Variants in GNG2 observed in about 807,000 individuals in gnomAD.
GNG2 encodes the protein G protein subunit gamma 2.
Under a neutral mutation model 5.5 loss-of-function variants are expected in GNG2, and 5 were observed. That is an observed-to-expected ratio of 0.91 (90% CI 0.48 to 1.92). GNG2 has a LOEUF of 1.92. GNG2 is among the 30% of genes most tolerant of loss of function. The pLI, the probability that GNG2 is intolerant of heterozygous loss-of-function variation, is 0.01. For missense variants in GNG2, 55 were observed against 88.4 expected (o/e 0.62, Z 1.52); for synonymous variants, 28 against 32.0 (o/e 0.88, Z 0.42).
intron 2 of GNG2, among the ~76,000 whole-genome samples, chr14:51,832,650 C>G (rs1469451613): frequency 6.6e-6 from 1 of 152,196 alleles, no homozygotes; most frequent in Non-Finnish European, 1.5e-5. Flanking sequence ...GGTTCTCTTT[C>G]TGGATTTTGG....
rs549697013 is a variant in GNG2, at chr14:51,938,605, C to A, written c.-29-12045C>A. ...CAGAGCAGACTAGAATCCAGCTCTT[C>A]TGTCTCCTGGCACATGTTTTCTCAC... On this transcript the variant is annotated intron_variant, in intron 2 of 3. Coordinates refer to ENST00000556766, the MANE Select transcript of GNG2 (RefSeq NM_053064.5). 2.6e-5 allele frequency among the ~76,000 whole-genome samples: 4 copies of A among 152,352 alleles called. No individual in the cohort carries two copies. In the South Asian group the frequency reaches 8.3e-4, roughly 32 times the overall value.
chr14:51,857,852 G>A (rs1307236237), upstream of GNG2, among the ~76,000 whole-genome samples: 3 of 152,166 alleles, frequency 2.0e-5, no homozygotes, highest in Non-Finnish European at 4.4e-5. Flanking sequence ...AACAGGCTTT[G>A]GATGAAGGTA....
intron 2 of GNG2, among the ~76,000 whole-genome samples, chr14:51,946,437 A>G (rs538600854): frequency 1.3e-5 from 2 of 152,358 alleles, no homozygotes; most frequent in East Asian, 3.9e-4. Context: ...TACATTCTAC[A>G]TTGCGGTCAG....
rs562263711 is a variant in GNG2, at chr14:51,875,877, T to A, written c.-70-1740T>A. On this transcript the variant is annotated intron_variant, in intron 1 of 3. Coordinates refer to ENST00000556766, the MANE Select transcript of GNG2 (RefSeq NM_053064.5). ...TTACTTTTTAAAGTAACAATATTTA[T>A]TAATTTTAAAATAAAGTTAAGTAAA... Among the ~76,000 whole-genome samples, 262 of 151,744 alleles carry A rather than the reference T, an allele frequency of 1.7e-3. 1 individual carries two copies. Among genetic ancestry groups the A allele is most frequent in the African/African-American group, 6.1e-3 (252 of 41,442 alleles).
chr14:51,859,091 C>T (rs191705169), upstream of GNG2, among the ~76,000 whole-genome samples: 1 of 152,248 alleles, frequency 6.6e-6, no homozygotes, highest in East Asian at 1.9e-4. Flanking sequence ...TCTAACATTT[C>T]CTGTTAGTTT....
In GNG2 at chr14:51,860,790, G is replaced by A. The variant is rs2140100487; in HGVS notation, c.-71G>A. Reference sequence around the variant, plus strand: ...CCTCGGACCAAGCCTCGGGAGCTAAGGTAAATGAAACGTTTTCCATGTTGC... The same window carrying A: ...CCTCGGACCAAGCCTCGGGAGCTAAAGTAAATGAAACGTTTTCCATGTTGC... On this transcript the variant is annotated splice_region_variant and 5_prime_UTR_variant, in exon 1 of 4. Transcript: ENST00000556766. 6.6e-6 allele frequency: 1 copy of A among 152,316 alleles called. No homozygotes were observed. The highest frequency in any genetic ancestry group is 6.5e-5 in the Admixed American group (1 of 15,298). The allele number at this position is 152,316 out of a possible 1,614,324, so 9.4% of individuals were successfully genotyped here.
At chr14:51,924,534 AAGGAAG>A (rs985378068) in intron 2 of GNG2, among the ~76,000 whole-genome samples, 21 of 152,198 alleles carry the variant, frequency 1.4e-4, no homozygotes, top group Admixed American at 2.0e-4. Context: ...CAGAGGCAAG[AAGGAAG>A]AGGAAGAGAG....
chr14:51,909,485 G>C (rs1886158106), intron 2 of GNG2, among the ~76,000 whole-genome samples: 1 of 152,154 alleles, frequency 6.6e-6, no homozygotes, highest in Admixed American at 6.5e-5. Flanking sequence ...CATTTGACTT[G>C]GGTATACCTT....
intron 2 of GNG2, among the ~76,000 whole-genome samples, chr14:51,897,796 G>T (rs1885295659): frequency 1.3e-5 from 2 of 152,216 alleles, no homozygotes; most frequent in Admixed American, 6.5e-5. Flanking sequence ...TGGAGCCAGG[G>T]TCCCATAGGG....
intron 2 of GNG2, among the ~76,000 whole-genome samples, chr14:51,829,383 C>T (rs114535988): frequency 0.014 from 2,093 of 152,242 alleles, 44 homozygotes; most frequent in African/African-American, 0.043. Flanking sequence ...GTTACAAGGC[C>T]CCCAAACACT....
At chr14:51,830,489 G>A (rs1881151125) in intron 2 of GNG2, among the ~76,000 whole-genome samples, 1 of 152,146 alleles carries the variant, frequency 6.6e-6, no homozygotes, top group African/African-American at 2.4e-5. Flanking sequence ...GTCCAGAGTG[G>A]AGCTCCTGAT....
chr14:51,904,979 T>G (rs1194810354), intron 2 of GNG2, among the ~76,000 whole-genome samples: 3 of 152,194 alleles, frequency 2.0e-5, no homozygotes, highest in Non-Finnish European at 4.4e-5. Context: ...CAGATAAATG[T>G]AAATGGAAAT....
rs191405045 is a variant in GNG2, at chr14:51,881,182, A to C, written c.-30+3525A>C. Among the ~76,000 whole-genome samples the C allele has an allele frequency of 2.6e-4, 40 of 152,320 alleles. No homozygotes were observed. In the Middle Eastern group the frequency reaches 0.02, roughly 78 times the overall value. ...AGCAGTCAGCCTGCATGGAAGTTATAAAATCCAAGTTTGCCAATGCAGCAC... is the reference window on the plus strand; with the variant it reads ...AGCAGTCAGCCTGCATGGAAGTTATCAAATCCAAGTTTGCCAATGCAGCAC... On this transcript the variant is annotated intron_variant, in intron 2 of 3. Transcript: ENST00000556766.
At chr14:51,867,235 A>G (rs1882959213) in intron 1 of GNG2, among the ~76,000 whole-genome samples, 2 of 152,038 alleles carry the variant, frequency 1.3e-5, no homozygotes, top group African/African-American at 2.4e-5. Context: ...CTGTCCTGTG[A>G]TTTTAGTCAC....
At chr14:51,848,531 T>G (rs1334827350) in intron 2 of GNG2, among the ~76,000 whole-genome samples, 1 of 152,168 alleles carries the variant, frequency 6.6e-6, no homozygotes, top group Non-Finnish European at 1.5e-5. Flanking sequence ...ACTGTGCACT[T>G]GTTGAAATAT....
At chr14:51,907,080 C>G (rs551925678) in intron 2 of GNG2, among the ~76,000 whole-genome samples, 71 of 152,090 alleles carry the variant, frequency 4.7e-4, no homozygotes, top group Non-Finnish European at 8.5e-4. Context: ...ACAGGGACTC[C>G]GTGACTTTAT....
intron 2 of GNG2, among the ~76,000 whole-genome samples, chr14:51,932,304 A>G: frequency 6.6e-6 from 1 of 151,042 alleles, no homozygotes; most frequent in Non-Finnish European, 1.5e-5. Context: ...TGCACAATGG[A>G]TTATTAGCCC....
intron 3 of GNG2, among the ~76,000 whole-genome samples, chr14:51,963,204 T>C (rs1338803591): frequency 2.0e-5 from 3 of 152,240 alleles, no homozygotes; most frequent in Admixed American, 2.0e-4. Context: ...ATAAAACACA[T>C]AATATATTTT....
chr14:51,962,728 G>A (rs1889686389), intron 3 of GNG2, among the ~76,000 whole-genome samples: 1 of 152,160 alleles, frequency 6.6e-6, no homozygotes, highest in Admixed American at 6.5e-5. Context: ...TGGAGTTATT[G>A]GGGAAATCTT....
Sources: allele counts gnomAD v4.1 joint callset (sites outside exome capture counted in the v4.1 genomes callset), GRCh38; gene constraint gnomAD v4.1.1; transcripts MANE v1.5; gene names NCBI Gene and HGNC (gene_info 2026-07-23, HGNC 2026-07-21).